The following VASH1 variants were observed in gnomAD, a reference collection of about 807,000 sequenced individuals.
VASH1 encodes the protein vasohibin 1.
In VASH1, 16 loss-of-function variants were observed where a neutral mutation model predicts 35.0. The observed-to-expected ratio is 0.46, with a 90% confidence interval of 0.31 to 0.70. The LOEUF is 0.70. Ranked by LOEUF, VASH1 falls within the 30% of genes least tolerant of loss-of-function variation. The probability of loss-of-function intolerance (pLI) is 0.05; values close to 1 mark genes in which losing one functional copy is unlikely to be tolerated. For missense variants in VASH1, 505 were observed against 510.7 expected (o/e 0.99, Z 0.11); for synonymous variants, 214 against 200.9 (o/e 1.07, Z -0.55).
chr14:76,776,389 C>A, intron 5 of VASH1, 116 bp downstream of exon 5: 1 of 1,347,168 alleles, frequency 7.4e-7, no homozygotes, highest in Non-Finnish European at 9.8e-7. Flanking sequence ...GTGCTGGGAC[C>A]TTGCTTAGTG....
At chr14:76,769,811 TG>T in intron 1 of VASH1, 151 bp from the exon 2 acceptor site, 1 of 768,876 alleles carries the variant, frequency 1.3e-6, no homozygotes. Flanking sequence ...TTCGAATGAG[TG>T]GGGTGCCAAG....
intron 2 of VASH1, 55 bp downstream of exon 2, chr14:76,770,106 G>A: frequency 6.5e-7 from 1 of 1,540,600 alleles, no homozygotes; most frequent in Non-Finnish European, 8.9e-7. Context: ...GGTGGGCCTT[G>A]TTTCCAGGCA....
At position 76,782,624 on chromosome 14, in the gene VASH1, A is replaced by T. The variant is rs1470986473; in HGVS notation, c.*3606A>T. The T allele has an allele frequency of 6.6e-6, 1 of 152,312 alleles. No homozygotes were observed. 9.4% of individuals were successfully genotyped at this position (152,312 alleles called of 1,614,324 possible). On this transcript the variant is annotated 3_prime_UTR_variant, in exon 7 of 7. Coordinates refer to ENST00000167106, the MANE Select transcript of VASH1 (RefSeq NM_014909.5). ...GAAACAGTCCTCTGAAGGAGTGGGGAGGTGGGCAGTCTGCCCCCGCCAGGT... is the reference window on the plus strand; with the variant it reads ...GAAACAGTCCTCTGAAGGAGTGGGGTGGTGGGCAGTCTGCCCCCGCCAGGT...
intron 1 of VASH1, among the ~76,000 whole-genome samples, chr14:76,767,438 A>G (rs1361339072): frequency 6.6e-6 from 1 of 152,062 alleles, no homozygotes; most frequent in Non-Finnish European, 1.5e-5. Flanking sequence ...GTTCGATTGA[A>G]ATAGACCCCT....
Position 76,780,211 on chromosome 14 carries a change from G to T in VASH1, c.*1193G>T. 6.5e-6 allele frequency: 1 copy of T among 153,344 alleles called. No homozygotes were observed. Among genetic ancestry groups the T allele is most frequent in the Non-Finnish European group, 1.5e-5 (1 of 68,838 alleles). The allele number at this position is 153,344 out of a possible 1,614,324, so 9.5% of individuals were successfully genotyped here. The stretch of plus-strand genomic sequence containing the variant: ...CCAGGGGTAGGTTCTGGAGGCTCAA[G>T]CAACAAGGAGGTGCAGGTAAAGGGT... On this transcript the variant is annotated 3_prime_UTR_variant, in exon 7 of 7. Transcript: ENST00000167106.
At position 76,773,174 on chromosome 14, in the gene VASH1, C is replaced by T; in HGVS notation, c.493C>T (p.Leu165=). The stretch of plus-strand genomic sequence containing the variant: ...GGCCAAGGAAATGACCAAAGAGGCC[C>T]TGCCAATCAAATGCCTGGAAGCCGT... ...DLAKEMTKEA[L]PIKCLEAVIL... is the part of the protein sequence containing the mutation. The change falls in exon 4 of 7, where the codon CTG becomes TTG. Residue 165 remains leucine, a synonymous_variant. Transcript: ENST00000167106. The T allele has an allele frequency of 6.2e-7, 1 of 1,614,150 alleles. No homozygotes were observed. Among genetic ancestry groups the T allele is most frequent in the South Asian group, 1.1e-5 (1 of 91,076 alleles).
Position 76,780,885 on chromosome 14 carries a change from G to A in VASH1, c.*1867G>A, listed in dbSNP as rs1486622701. On this transcript the variant is annotated 3_prime_UTR_variant, in exon 7 of 7. Transcript: ENST00000167106. ...TAGCAAAGTCCTGTTTCTCAGAGCT[G>A]GGCTGGGCTGGGGTAGGATCCTTGC... The A allele has an allele frequency of 3.9e-5, 6 of 152,328 alleles. No individual in the cohort carries two copies. The East Asian group carries it at 9.6e-4, about 24-fold the overall frequency. The allele number at this position is 152,328 out of a possible 1,614,324, so 9.4% of individuals were successfully genotyped here.
rs779235767 is a variant in VASH1, at chr14:76,779,021, C to G, written c.*3C>G. 2 of 1,613,746 alleles carry G rather than the reference C, an allele frequency of 1.2e-6. No individual in the cohort carries two copies. The highest frequency in any genetic ancestry group is 2.7e-5 in the African/African-American group (2 of 74,944). On this transcript the variant is annotated 3_prime_UTR_variant, in exon 7 of 7. Coordinates refer to ENST00000167106, the MANE Select transcript of VASH1 (RefSeq NM_014909.5). ...ACGGGTACCAGATCCGGGTCTGAGGCGGATGCCAGCACCCCAGGCCCCACC... is the reference window on the plus strand; with the variant it reads ...ACGGGTACCAGATCCGGGTCTGAGGGGGATGCCAGCACCCCAGGCCCCACC...
intron 3 of VASH1, among the ~76,000 whole-genome samples, 160 bp from the exon 4 acceptor site, chr14:76,772,977 G>A (rs1021360267): frequency 1.2e-4 from 18 of 152,208 alleles, no homozygotes; most frequent in African/African-American, 3.4e-4. Flanking sequence ...ACTTCCGTCC[G>A]TCGGGAGTGT....
chr14:76,773,614 GAT>G, intron 4 of VASH1: 1 of 288,268 alleles, frequency 3.5e-6, no homozygotes, highest in Non-Finnish European at 6.3e-6. Flanking sequence ...TTCTGGACGA[GAT>G]ATTAAAGCAA....
intron 1 of VASH1, chr14:76,769,544 T>C: frequency 8.0e-7 from 1 of 1,243,046 alleles, no homozygotes; most frequent in Non-Finnish European, 1.1e-6. Flanking sequence ...CCTGAGAAGA[T>C]GGGACCCCGG....
intron 2 of VASH1, among the ~76,000 whole-genome samples, chr14:76,770,583 C>T (rs1320797680): frequency 6.7e-6 from 1 of 148,814 alleles, no homozygotes. Flanking sequence ...GAGCTGGGCT[C>T]CCCTGGGCCC....
At position 76,781,118 on chromosome 14, in the gene VASH1, G is replaced by A. The variant is rs1213512508; in HGVS notation, c.*2100G>A. 1.3e-5 allele frequency: 2 copies of A among 152,318 alleles called. No homozygotes were observed. Among genetic ancestry groups the A allele is most frequent in the Non-Finnish European group, 2.9e-5 (2 of 68,102 alleles). The allele number at this position is 152,318 out of a possible 1,614,324, so 9.4% of individuals were successfully genotyped here. A position where few individuals can be genotyped will look rare whatever the true frequency, so the allele number is the denominator to read the frequency against. On this transcript the variant is annotated 3_prime_UTR_variant, in exon 7 of 7. Transcript: ENST00000167106. ...CCTTTGCTGATGAGAGTGCCTGTCA[G>A]GGAAGGCGCCACAGGCTGGCAGCTC...
chr14:76,762,867 A>G lies in VASH1; in HGVS notation c.46A>G (p.Thr16Ala), dbSNP rs767052168. The G allele has an allele frequency of 1.3e-6, 2 of 1,537,862 alleles. No individual in the cohort carries two copies. Among genetic ancestry groups the G allele is most frequent in the South Asian group, 2.5e-5 (2 of 78,724 alleles). The change falls in exon 1 of 7, where the codon ACT (threonine) becomes GCT (alanine). Residue 16 changes from threonine (T) to alanine (A), a missense_variant. By Grantham distance (58) the Thr-to-Ala change is moderately conservative (BLOSUM62 0). Transcript: ENST00000167106. ...KVAGGGSSGA[T>A]PTSAAATAPS... ...GGCTGGGGGTGGCAGCAGCGGTGCC[A>G]CTCCAACGTCCGCTGCGGCCACCGC...
At chr14:76,775,631 G>A (rs1184301013) in intron 4 of VASH1, among the ~76,000 whole-genome samples, 1 of 152,190 alleles carries the variant, frequency 6.6e-6, no homozygotes, top group African/African-American at 2.4e-5. Flanking sequence ...AGCCCTGCTG[G>A]ACTTCAGAGC....
At chr14:76,773,333 T>G in intron 4 of VASH1, 122 bp downstream of exon 4, 1 of 1,015,766 alleles carries the variant, frequency 9.8e-7, no homozygotes, top group South Asian at 1.5e-5. Flanking sequence ...AGTCATCTGC[T>G]TGGCCCCAAG....
Position 76,779,533 on chromosome 14 carries a change from A to G in VASH1, c.*515A>G, listed in dbSNP as rs972351881. The G allele has an allele frequency of 2.9e-6, 2 of 697,094 alleles. No individual in the cohort carries two copies. The highest frequency in any genetic ancestry group is 2.7e-5 in the East Asian group (1 of 37,242). 43.2% of individuals were successfully genotyped at this position (697,094 alleles called of 1,614,324 possible). A position where few individuals can be genotyped will look rare whatever the true frequency, so the allele number is the denominator to read the frequency against. On this transcript the variant is annotated 3_prime_UTR_variant, in exon 7 of 7. Transcript: ENST00000167106. Reference sequence around the variant, plus strand: ...TGACCCAGGGAAAGGGAAGCAGGGTAGGAGTCCTTCTGAGAAAGGTCTGTG... The same window carrying G: ...TGACCCAGGGAAAGGGAAGCAGGGTGGGAGTCCTTCTGAGAAAGGTCTGTG...
chr14:76,772,992 GGAGGTGC>G, intron 3 of VASH1, 138 bp from the exon 4 acceptor site: 4 of 658,542 alleles, frequency 6.1e-6, no homozygotes, highest in South Asian at 2.4e-5. Flanking sequence ...GAGTGTGGAG[GGAGGTGC>G]TGGGCCTGAG....
Position 76,779,926 on chromosome 14 carries a change from T to C in VASH1, c.*908T>C. 4.6e-6 allele frequency: 1 copy of C among 219,058 alleles called. No individual in the cohort carries two copies. Among genetic ancestry groups the C allele is most frequent in the Non-Finnish European group, 9.1e-6 (1 of 109,850 alleles). 13.6% of individuals were successfully genotyped at this position (219,058 alleles called of 1,614,324 possible). ...GGTGATGGGGCGGGATGCTTGGGCC[T>C]GGGTCTCTCCGCCAGCAGTGCCAGG... On this transcript the variant is annotated 3_prime_UTR_variant, in exon 7 of 7. Coordinates refer to ENST00000167106, the MANE Select transcript of VASH1 (RefSeq NM_014909.5).
Sources: allele counts gnomAD v4.1 joint callset (sites outside exome capture counted in the v4.1 genomes callset), GRCh38; gene constraint gnomAD v4.1.1; transcripts MANE v1.5; gene names NCBI Gene and HGNC (gene_info 2026-07-23, HGNC 2026-07-21).